The following LPP variants were observed in gnomAD, a reference collection of about 807,000 sequenced individuals.
LPP encodes the protein LIM domain containing preferred translocation partner in lipoma.
Under a neutral mutation model 60.4 loss-of-function variants are expected in LPP, and 38 were observed. That is an observed-to-expected ratio of 0.63 (90% CI 0.49 to 0.83). LPP has a LOEUF of 0.83. Ranked by LOEUF, LPP falls within the 40% of genes least tolerant of loss-of-function variation. The pLI is 0.00. For missense variants in LPP, 902 were observed against 783.6 expected, an observed-to-expected ratio of 1.15 and a Z score of -1.80; for synonymous variants, 328 against 290.8, an observed-to-expected ratio of 1.13 and a Z score of -1.30.
intron 9 of LPP, among the ~76,000 whole-genome samples, chr3:188,864,607 A>G (rs2151976610): frequency 6.6e-6 from 1 of 152,368 alleles, no homozygotes; most frequent in Non-Finnish European, 1.5e-5. Flanking sequence ...GGAAGGCTTC[A>G]CTGGGGAATG....
At chr3:188,815,647 G>A (rs1327567477) in intron 9 of LPP, among the ~76,000 whole-genome samples, 1 of 152,166 alleles carries the variant, frequency 6.6e-6, no homozygotes, top group Non-Finnish European at 1.5e-5. Context: ...GCTTGTATGT[G>A]TTGGTTTAGA....
At chr3:188,289,875 T>TA (rs765031996) in intron 2 of LPP, among the ~76,000 whole-genome samples, 13 of 152,206 alleles carry the variant, frequency 8.5e-5, no homozygotes, top group Admixed American at 2.0e-4. Context: ...TAAAGGATTA[T>TA]AAAATCTTTC....
intron 6 of LPP, among the ~76,000 whole-genome samples, chr3:188,543,157 A>G (rs1825671068): frequency 6.6e-6 from 1 of 152,164 alleles, no homozygotes; most frequent in South Asian, 2.1e-4. Context: ...GATCGGAAAT[A>G]GAAGAGGCCA....
chr3:188,789,204 C>T (rs947457384), intron 9 of LPP, among the ~76,000 whole-genome samples: 7 of 152,042 alleles, frequency 4.6e-5, no homozygotes, highest in Non-Finnish European at 1.0e-4. Flanking sequence ...GTAAACATAA[C>T]CTTTACTGCA....
At chr3:188,789,594 T>C (rs1190673126) in intron 9 of LPP, among the ~76,000 whole-genome samples, 2 of 152,118 alleles carry the variant, frequency 1.3e-5, no homozygotes, top group Non-Finnish European at 2.9e-5. Flanking sequence ...TTTCCAGCTT[T>C]TGATGTGCTT....
At chr3:188,592,563 T>TTTTTTTTTTTTTTTTTTTTTGGAG in intron 6 of LPP, among the ~76,000 whole-genome samples, 1 of 77,224 alleles carries the variant, frequency 1.3e-5, no homozygotes, top group Non-Finnish European at 2.8e-5. Context: ...TTTTGTTTTT[T>TTTTTTTTTTTTTTTTTTTTTGGAG]AAATGGAGTC....
intron 9 of LPP, among the ~76,000 whole-genome samples, chr3:188,846,556 C>A (rs1411340429): frequency 6.6e-6 from 1 of 151,674 alleles, no homozygotes; most frequent in African/African-American, 2.4e-5. Context: ...TGGTGGCGGG[C>A]ACCTTTAGTC....
chr3:188,376,253 G>T (rs1009536481), intron 3 of LPP, among the ~76,000 whole-genome samples: 14 of 151,468 alleles, frequency 9.2e-5, no homozygotes, highest in African/African-American at 3.1e-4. Flanking sequence ...CAATTCCTGG[G>T]TATCCTTGTT....
At position 188,887,731 on chromosome 3, in the gene LPP, T is replaced by C. The variant is rs1770843866; in HGVS notation, c.*13252T>C. 1 of 210,092 alleles carries C rather than the reference T, an allele frequency of 4.8e-6. No homozygotes were observed. The highest frequency in any genetic ancestry group is 7.2e-5 in the East Asian group (1 of 13,938). The allele number at this position is 210,092 out of a possible 1,614,324, so 13.0% of individuals were successfully genotyped here. A position where few individuals can be genotyped will look rare whatever the true frequency, so the allele number is the denominator to read the frequency against. ...TAATGGAGAAGTCTGAACTGAGGAG[T>C]ATCTTTGATGAAAGACATTTAGGAC... On this transcript the variant is annotated 3_prime_UTR_variant, in exon 12 of 12. Transcript: ENST00000617246.
intron 3 of LPP, among the ~76,000 whole-genome samples, chr3:188,359,490 T>G (rs1768625489): frequency 6.6e-6 from 1 of 152,192 alleles, no homozygotes; most frequent in Non-Finnish European, 1.5e-5. Context: ...CAGCTCATTA[T>G]CTTTTTTATT....
At chr3:188,655,490 G>A (rs1852979783) in intron 7 of LPP, among the ~76,000 whole-genome samples, 1 of 152,178 alleles carries the variant, frequency 6.6e-6, no homozygotes, top group Admixed American at 6.5e-5. Flanking sequence ...ACAATATAAC[G>A]ATGCTGGGTA....
chr3:188,885,133 C>G lies in LPP; in HGVS notation c.*10654C>G. The G allele has an allele frequency of 4.7e-6, 1 of 212,116 alleles. No homozygotes were observed. The highest frequency in any genetic ancestry group is 7.1e-5 in the East Asian group (1 of 14,022). The allele number at this position is 212,116 out of a possible 1,614,324, so 13.1% of individuals were successfully genotyped here. A position where few individuals can be genotyped will look rare whatever the true frequency, so the allele number is the denominator to read the frequency against. On this transcript the variant is annotated 3_prime_UTR_variant, in exon 12 of 12. Coordinates refer to ENST00000617246, the MANE Select transcript of LPP (RefSeq NM_001375462.1). The stretch of plus-strand genomic sequence containing the variant: ...CTGTACCTTTAGGGTGTGCTTTCCA[C>G]TTTTTATTTCCTCTCATTTCACTCC...
chr3:188,164,914 G>A (rs992672535), intron 1 of LPP, among the ~76,000 whole-genome samples: 1 of 152,030 alleles, frequency 6.6e-6, no homozygotes, highest in Non-Finnish European at 1.5e-5. Context: ...CGTGAATGCA[G>A]TGTGGTCTCT....
intron 7 of LPP, among the ~76,000 whole-genome samples, chr3:188,694,237 A>AAT (rs1862721167): frequency 6.6e-6 from 1 of 152,208 alleles, no homozygotes; most frequent in Admixed American, 6.5e-5. Context: ...AATGTGAAAG[A>AAT]ATATAGTATT....
intron 3 of LPP, among the ~76,000 whole-genome samples, chr3:188,377,328 C>G (rs992403103): frequency 1.3e-5 from 2 of 152,206 alleles, no homozygotes; most frequent in African/African-American, 4.8e-5. Context: ...TTCTCCCCGT[C>G]ACTTTCAGGT....
chr3:188,627,044 A>T (rs545040332), intron 7 of LPP, among the ~76,000 whole-genome samples: 45 of 152,124 alleles, frequency 3.0e-4, no homozygotes, highest in Non-Finnish European at 5.1e-4. Flanking sequence ...TGATTAACTA[A>T]CTGTACAACC....
At chr3:188,760,665 C>T (rs1309567976) in intron 9 of LPP, among the ~76,000 whole-genome samples, 1 of 152,140 alleles carries the variant, frequency 6.6e-6, no homozygotes, top group Admixed American at 6.5e-5. Flanking sequence ...TCTCACCCTA[C>T]ATTTGAAGTG....
At position 188,295,484 on chromosome 3, in the gene LPP, T is replaced by C. The variant is rs75568108; in HGVS notation, c.-66-46179T>C. On this transcript the variant is annotated intron_variant, in intron 2 of 11. Transcript: ENST00000617246. ...TCACATTGAGCAATTAGGCCCTTCG[T>C]TGAGCAGTGACCATTTGGACTTTTA... Among the ~76,000 whole-genome samples the C allele has an allele frequency of 3.6e-3, 545 of 152,304 alleles. 3 individuals are homozygous for C. Among genetic ancestry groups the C allele is most frequent in the African/African-American group, 0.012 (510 of 41,568 alleles).
intron 6 of LPP, among the ~76,000 whole-genome samples, chr3:188,606,694 A>T (rs541492223): frequency 3.3e-5 from 5 of 152,108 alleles, no homozygotes; most frequent in Non-Finnish European, 5.9e-5. Flanking sequence ...CTCAGTTAAG[A>T]CTCCAACATT....
Sources: gnomAD v4.1 joint callset for allele counts (sites outside exome capture counted in the v4.1 genomes callset) on GRCh38, gnomAD v4.1.1 for gene constraint, MANE v1.5 for transcripts, NCBI Gene and HGNC (gene_info 2026-07-23, HGNC 2026-07-21) for gene names.